Variants in NFE2 observed in about 807,000 individuals in gnomAD.
NFE2 encodes transcription factor NF-E2 45 kDa subunit.
Under a neutral mutation model 25.8 loss-of-function variants are expected in NFE2, and 13 were observed. The observed-to-expected ratio is 0.50, with a 90% CI of 0.33 to 0.80. The LOEUF (loss-of-function observed/expected upper bound fraction) is 0.80. NFE2 is among the 30% of genes least tolerant of loss of function. The pLI, the probability that NFE2 is intolerant of heterozygous loss-of-function variation, is 0.02. For synonymous variants in NFE2, 204 were observed against 200.2 expected (o/e 1.02, Z -0.16); for missense variants, 382 against 478.9 (o/e 0.80, Z 1.89).
Position 54,292,824 on chromosome 12 carries a change from A to AGTCCCTGC in NFE2, c.671_672insGCAGGGAC (p.Ser224ArgfsTer13), listed in dbSNP as rs1944330496. On this transcript the variant is annotated frameshift_variant, in exon 3 of 3. Coordinates refer to ENST00000435572, the MANE Select transcript of NFE2 (RefSeq NM_001136023.3). LOFTEE classifies it high-confidence loss of function. The stretch of plus-strand genomic sequence containing the variant: ...TGGCCAAGGCCCGACGTTCATCCCG[A>AGTCCCTGC]CTCCCTGCCTCCCCCCGTGCAGTGG... The AGTCCCTGC allele has an allele frequency of 6.2e-7, 1 of 1,613,368 alleles. No individual in the cohort carries two copies. Among genetic ancestry groups the AGTCCCTGC allele is most frequent in the Non-Finnish European group, 8.5e-7 (1 of 1,179,884 alleles).
At chr12:54,298,067 G>A (rs964862344) in intron 1 of NFE2, among the ~76,000 whole-genome samples, 3 of 152,124 alleles carry the variant, frequency 2.0e-5, no homozygotes, top group African/African-American at 7.2e-5. Flanking sequence ...GGTTTAGGAG[G>A]CAGAGACAAT....
At chr12:54,293,505 A>G in intron 2 of NFE2, 124 bp from the exon 3 acceptor site, 1 of 1,130,522 alleles carries the variant, frequency 8.8e-7, no homozygotes, top group African/African-American at 1.6e-5. Context: ...CAAAGTTGCC[A>G]CAAATCACGG....
At chr12:54,300,770 C>G (rs921257987) in intron 1 of NFE2, 31 bp downstream of exon 1, 2 of 151,834 alleles carry the variant, frequency 1.3e-5, no homozygotes, top group African/African-American at 4.8e-5. Context: ...TGGAATCCGC[C>G]CCCCCCACAC....
intron 2 of NFE2, among the ~76,000 whole-genome samples, 182 bp downstream of exon 2, chr12:54,294,953 A>T (rs567349410): frequency 6.6e-6 from 1 of 151,574 alleles, no homozygotes. Flanking sequence ...CTGCTCCTCC[A>T]CTCCTCCTCC....
In NFE2 at chr12:54,293,193, G is replaced by T; in HGVS notation, c.303C>A (p.Asn101Lys). The change falls in exon 3 of 3, where the codon AAC becomes AAA. Residue 101 changes from asparagine (N) to lysine (K), a missense_variant. Physicochemically the swap from Asn to Lys is moderately conservative, Grantham distance 94 (BLOSUM62 0). Transcript: ENST00000435572. ...GTGGCTTGGAGACTGGTATGGCCAT[G>T]TTGCCATAGGAGTATGGGGGATCTG... The part of the protein sequence containing the change: ...HVPDPPYSYG[N>K]MAIPVSKPLS... The T allele has an allele frequency of 6.3e-7, 1 of 1,581,762 alleles. No individual in the cohort carries two copies. Among genetic ancestry groups the T allele is most frequent in the Non-Finnish European group, 8.6e-7 (1 of 1,161,798 alleles).
intron 1 of NFE2, among the ~76,000 whole-genome samples, chr12:54,300,450 T>C (rs934188554): frequency 2.6e-5 from 4 of 152,142 alleles, no homozygotes; most frequent in Non-Finnish European, 4.4e-5. Flanking sequence ...GGAATGGAGT[T>C]GGGGAAAGGG....
Position 54,293,388 on chromosome 12 carries a change from G to C in NFE2, c.115-7C>G, listed in dbSNP as rs757804344. On this transcript the variant is annotated splice_polypyrimidine_tract_variant and splice_region_variant and intron_variant, in intron 2 of 2. Transcript: ENST00000435572. ...CACTTGGAGCATTCAGACCCTGCAA[G>C]GAAAGACACAAAGAGATTTGGAGAC... 4.8e-6 allele frequency: 7 copies of C among 1,465,356 alleles called. No homozygotes were observed. Among genetic ancestry groups the C allele is most frequent in the Non-Finnish European group, 6.4e-6 (7 of 1,098,226 alleles). 90.8% of individuals were successfully genotyped at this position (1,465,356 alleles called of 1,614,324 possible).
chr12:54,293,232 G>C lies in NFE2; in HGVS notation c.264C>G (p.Ser88=). The change falls in exon 3 of 3, where the codon TCC becomes TCG. Residue 88 remains serine, a synonymous_variant. Coordinates refer to ENST00000435572, the MANE Select transcript of NFE2 (RefSeq NM_001136023.3). ...LPPPPYELPA[S]TSHVPDPPYS... The stretch of plus-strand genomic sequence containing the variant: ...ATGGGGGATCTGGGACATGGGATGT[G>C]GATGCTGGGAGCTCATAAGGTGGTG... 2 of 1,610,098 alleles carry C rather than the reference G, an allele frequency of 1.2e-6. No homozygotes were observed. The highest frequency in any genetic ancestry group is 1.7e-6 in the Non-Finnish European group (2 of 1,178,010).
At chr12:54,297,700 A>G (rs1424967615) in intron 1 of NFE2, 1 of 152,378 alleles carries the variant, frequency 6.6e-6, no homozygotes, top group Non-Finnish European at 1.5e-5. Context: ...AAAGAAAAGA[A>G]AGAAAAAGAA....
rs1944322241 is a variant in NFE2 at position 54,292,158 on chromosome 12, A to G, written c.*216T>C. On this transcript the variant is annotated 3_prime_UTR_variant, in exon 3 of 3. Coordinates refer to ENST00000435572, the MANE Select transcript of NFE2 (RefSeq NM_001136023.3). ...CCAAAGCTTAGACAAGGTGGAGGCT[A>G]AAGACCTGAGGAGCCGAGTCAGGGA... is the stretch of plus-strand genomic sequence containing the variant. 5.2e-6 allele frequency: 3 copies of G among 575,292 alleles called. No homozygotes were observed. The Admixed American group carries it at 9.1e-5, about 17-fold the overall frequency. 35.6% of individuals were successfully genotyped at this position (575,292 alleles called of 1,614,324 possible).
chr12:54,293,264 G>T lies in NFE2; in HGVS notation c.232C>A (p.Leu78Ile), dbSNP rs751652857. The change falls in exon 3 of 3, where the codon CTT becomes ATT. Residue 78 changes from leucine to isoleucine, a missense_variant. Physicochemically the swap from Leu to Ile is conservative, Grantham distance 5. Transcript: ENST00000435572. ...CSIHPDSGFP[L>I]PPPPYELPAS... is the part of the protein sequence containing the mutation. ...GGGAGCTCATAAGGTGGTGGAGGAA[G>T]TGGGAAGCCAGAATCTGGGTGGATT... The T allele has an allele frequency of 5.0e-6, 8 of 1,612,468 alleles. No individual in the cohort carries two copies. The South Asian group carries it at 8.8e-5, about 18-fold the overall frequency.
chr12:54,299,206 A>G (rs939857467), intron 1 of NFE2, among the ~76,000 whole-genome samples: 1 of 152,134 alleles, frequency 6.6e-6, no homozygotes, highest in Non-Finnish European at 1.5e-5. Context: ...CTAGACGCTC[A>G]AGGATGGATG....
rs770448433 is a variant in NFE2, at chr12:54,292,330, G to C, written c.*44C>G. 3.2e-6 allele frequency: 5 copies of C among 1,583,502 alleles called. No homozygotes were observed. The highest frequency in any genetic ancestry group is 4.3e-6 in the Non-Finnish European group (5 of 1,158,870). On this transcript the variant is annotated 3_prime_UTR_variant, in exon 3 of 3. Coordinates refer to ENST00000435572, the MANE Select transcript of NFE2 (RefSeq NM_001136023.3). The stretch of plus-strand genomic sequence containing the variant: ...GTTGGGGAGTACCTTTATCAGAAGG[G>C]AATGAAGGAAATCCCATCAGCAGTT...
intron 1 of NFE2, among the ~76,000 whole-genome samples, chr12:54,297,289 C>T (rs1336411819): frequency 1.4e-5 from 2 of 143,410 alleles, no homozygotes; most frequent in East Asian, 2.1e-4. Context: ...TGAAAGGTCA[C>T]GGCTGCAGTG....
In NFE2 at chr12:54,293,250, A is replaced by G. The variant is rs1353514265; in HGVS notation, c.246T>C (p.Pro82=). 1.2e-6 allele frequency: 2 copies of G among 1,611,896 alleles called. No homozygotes were observed. Among genetic ancestry groups the G allele is most frequent in the Non-Finnish European group, 1.7e-6 (2 of 1,178,996 alleles). Residue 82 remains proline, a synonymous_variant, in exon 3 of 3, where the codon CCT becomes CCC. Transcript: ENST00000435572. ...GGGATGTGGATGCTGGGAGCTCATA[A>G]GGTGGTGGAGGAAGTGGGAAGCCAG... The part of the protein sequence containing the change: ...PDSGFPLPPP[P]YELPASTSHV...
In NFE2 at chr12:54,292,841, G is replaced by A. The variant is rs1454327945; in HGVS notation, c.655C>T (p.Arg219Trp). ...SGPVRAKPTA[R>W]GEAGSRDERR... The stretch of plus-strand genomic sequence containing the variant: ...TCATCCCGACTCCCTGCCTCCCCCC[G>A]TGCAGTGGGCTTAGCCCGCACAGGG... Residue 219 changes from arginine to tryptophan, a missense_variant, in exon 3 of 3, where the codon CGG becomes TGG. Coordinates refer to ENST00000435572, the MANE Select transcript of NFE2 (RefSeq NM_001136023.3). The A allele has an allele frequency of 2.5e-6, 4 of 1,614,046 alleles. No homozygotes were observed. The highest frequency in any genetic ancestry group is 4.5e-5 in the East Asian group (2 of 44,888).
intron 2 of NFE2, among the ~76,000 whole-genome samples, chr12:54,294,373 G>T (rs569037773): frequency 1.3e-3 from 195 of 152,178 alleles, no homozygotes; most frequent in Non-Finnish European, 2.3e-3. Flanking sequence ...TCAGATCCTG[G>T]CCATGCCCCA....
rs34931414 is a variant in NFE2, at chr12:54,294,410, T to A, written c.114+725A>T. 4.3e-3 allele frequency among the ~76,000 whole-genome samples: 652 copies of A among 151,980 alleles called. 5 individuals are homozygous for A. Among genetic ancestry groups the A allele is most frequent in the African/African-American group, 0.015 (624 of 41,422 alleles). On this transcript the variant is annotated intron_variant, in intron 2 of 2. Coordinates refer to ENST00000435572, the MANE Select transcript of NFE2 (RefSeq NM_001136023.3). ...ATGCCCAGCAGAGGGAGCCGCTGTGTGGGAAGAGGGCCTAGGGCAGATCCT... is the reference window on the plus strand; with the variant it reads ...ATGCCCAGCAGAGGGAGCCGCTGTGAGGGAAGAGGGCCTAGGGCAGATCCT...
chr12:54,292,912 G>A lies in NFE2; in HGVS notation c.584C>T (p.Thr195Ile), dbSNP rs772479122. The A allele has an allele frequency of 1.2e-6, 2 of 1,607,202 alleles. No homozygotes were observed. Among genetic ancestry groups the A allele is most frequent in the Non-Finnish European group, 1.7e-6 (2 of 1,175,774 alleles). ...MPNSLAHSNY[T>I]LPAAETPLAL... ...CAAGGGGGTCTCAGCAGCTGGCAAG[G>A]TATAGTTGGAGTGGGCCAAGGAGTT... Residue 195 changes from threonine to isoleucine, a missense_variant, in exon 3 of 3, where the codon ACC becomes ATC. Coordinates refer to ENST00000435572, the MANE Select transcript of NFE2 (RefSeq NM_001136023.3).
Sources: allele counts gnomAD v4.1 joint callset (sites outside exome capture counted in the v4.1 genomes callset), GRCh38; gene constraint gnomAD v4.1.1; transcripts MANE v1.5; gene names NCBI Gene and HGNC (gene_info 2026-07-23, HGNC 2026-07-21).